The following LTBP2 variants were observed in gnomAD, a reference collection of about 807,000 sequenced individuals.
LTBP2 encodes the protein latent-transforming growth factor beta-binding protein 2.
Under a neutral mutation model 210.6 loss-of-function variants are expected in LTBP2, and 103 were observed. That is an observed-to-expected ratio of 0.49 (90% confidence interval 0.42 to 0.58). LTBP2 has a LOEUF of 0.58. LTBP2 is among the 20% of genes least tolerant of loss of function. LTBP2 has a pLI of 0.00. For missense variants in LTBP2, 2,313 were observed against 2,494.5 expected, an observed-to-expected ratio of 0.93 and a Z score of 1.55; for synonymous variants, 1,007 against 1,015.0, an observed-to-expected ratio of 0.99 and a Z score of 0.15.
Position 74,586,534 on chromosome 14 carries a change from G to A in LTBP2, c.566-416C>T, listed in dbSNP as rs536604110. ...AGTAGATTCTCAGTAAACATGGAGC[G>A]AATGGATGAATGAATCAGTCTCTTT... On this transcript the variant is annotated intron_variant, in intron 2 of 35. Transcript: ENST00000261978. This position sits in a 1 kb window ranked among gnomAD's most constrained non-coding sequence, Gnocchi z 4.6. Among the ~76,000 whole-genome samples the A allele has an allele frequency of 6.6e-6, 1 of 152,290 alleles. No individual in the cohort carries two copies. Among genetic ancestry groups the A allele is most frequent in the African/African-American group, 2.4e-5 (1 of 41,558 alleles).
chr14:74,586,742 C>T lies in LTBP2; in HGVS notation c.566-624G>A, dbSNP rs557016336. Among the ~76,000 whole-genome samples, 52 of 152,268 alleles carry T rather than the reference C, an allele frequency of 3.4e-4. 1 individual carries two copies. The highest frequency in any genetic ancestry group is 1.2e-3 in the African/African-American group (50 of 41,558). ...TCCTTCAAAGGCACCTTCAGCTTGA[C>T]GGTCTCTCCTCTCCTTCCCATTGTT... On this transcript the variant is annotated intron_variant, in intron 2 of 35. Transcript: ENST00000261978. This position sits in a 1 kb window ranked among gnomAD's most constrained non-coding sequence, Gnocchi z 4.6.
chr14:74,505,123 C>T lies in LTBP2; in HGVS notation c.4229G>A (p.Arg1410His), dbSNP rs543585255. ...PTGDHAPAPTRMDCYSGQKGH... is the reference protein window; with the variant it reads ...PTGDHAPAPTHMDCYSGQKGH... ...CTTCTGCCCGGAGTAGCAGTCCATGCGGGTGGGGGCCGGGGCATGGTCCCC... is the reference window on the plus strand; with the variant it reads ...CTTCTGCCCGGAGTAGCAGTCCATGTGGGTGGGGGCCGGGGCATGGTCCCC... Residue 1410 changes from arginine to histidine, a missense_variant, in exon 29 of 36, where the codon CGC becomes CAC. Coordinates refer to ENST00000261978, the MANE Select transcript of LTBP2 (RefSeq NM_000428.3). 32 of 1,613,742 alleles carry T rather than the reference C, an allele frequency of 2.0e-5. No individual in the cohort carries two copies. The highest frequency in any genetic ancestry group is 1.7e-4 in the Admixed American group (10 of 60,032).
chr14:74,501,460 C>T lies in LTBP2; in HGVS notation c.5301G>A (p.Ala1767=), dbSNP rs549957928. The T allele has an allele frequency of 1.7e-5, 27 of 1,614,026 alleles. No individual in the cohort carries two copies. The highest frequency in any genetic ancestry group is 2.1e-5 in the Non-Finnish European group (25 of 1,180,032). ...CDCFEGFQLD[A]AHMACVDVNE... ...ACTTACCTACGCAGGCCATGTGGGC[C>T]GCATCCAGCTGGAAGCCCTCAAAAC... The change falls in exon 35 of 36, where the codon GCG becomes GCA. Residue 1767 remains alanine, a synonymous_variant. Transcript: ENST00000261978.
chr14:74,567,731 G>A (rs1345440238), intron 3 of LTBP2, among the ~76,000 whole-genome samples: 1 of 152,028 alleles, frequency 6.6e-6, no homozygotes, highest in Non-Finnish European at 1.5e-5. Flanking sequence ...TCACAGCGCT[G>A]GGCACACAGC....
intron 14 of LTBP2, 35 bp downstream of exon 14, chr14:74,526,040 C>G: frequency 6.3e-7 from 1 of 1,584,806 alleles, no homozygotes; most frequent in South Asian, 1.1e-5. Flanking sequence ...CCTCCCTTCT[C>G]TTTTGCCTAG....
chr14:74,508,067 C>G lies in LTBP2; in HGVS notation c.3681G>C (p.Pro1227=), dbSNP rs368214877. The G allele has an allele frequency of 6.2e-7, 1 of 1,613,878 alleles. No individual in the cohort carries two copies. The highest frequency in any genetic ancestry group is 8.5e-7 in the Non-Finnish European group (1 of 1,180,006). Residue 1227 remains proline, a synonymous_variant, in exon 25 of 36, where the codon CCG becomes CCC. Coordinates refer to ENST00000261978, the MANE Select transcript of LTBP2 (RefSeq NM_000428.3). ...QDVDECATTD[P]CVGGHCVNTE... The stretch of plus-strand genomic sequence containing the variant: ...TGTTGACACAGTGCCCTCCCACACA[C>G]GGGTCTGTGGTGGCACACTCGTCCA...
At chr14:74,503,033 T>G in intron 33 of LTBP2, 99 bp from the exon 34 acceptor site, 1 of 1,524,028 alleles carries the variant, frequency 6.6e-7, no homozygotes, top group Non-Finnish European at 9.0e-7. Context: ...TGGTACCCTC[T>G]GGGAGATCCT....
In LTBP2 at chr14:74,499,601, G is replaced by GTCTT. The variant is rs2086889023; in HGVS notation, c.*1279_*1282dup. On this transcript the variant is annotated 3_prime_UTR_variant, in exon 36 of 36. Transcript: ENST00000261978. ...GAAGTACGAAGTCAGAGCTTTCCTT[G>GTCTT]TCTTTTAATAGTAAAGAGTCATTTC... 5 of 227,876 alleles carry GTCTT rather than the reference G, an allele frequency of 2.2e-5. No individual in the cohort carries two copies. The highest frequency in any genetic ancestry group is 4.4e-5 in the African/African-American group (2 of 45,006). 14.1% of individuals were successfully genotyped at this position (227,876 alleles called of 1,614,324 possible).
chr14:74,593,279 G>C (rs1185877821), intron 2 of LTBP2, among the ~76,000 whole-genome samples: 1 of 152,114 alleles, frequency 6.6e-6, no homozygotes, highest in Admixed American at 6.6e-5. Flanking sequence ...CCCCATGCAG[G>C]CTGCTCCTAC....
At chr14:74,526,289 T>G (rs1432194004) in intron 13 of LTBP2, among the ~76,000 whole-genome samples, 175 bp from the exon 14 acceptor site, 1 of 152,270 alleles carries the variant, frequency 6.6e-6, no homozygotes, top group Admixed American at 6.5e-5. Context: ...CCAGGCACTT[T>G]ACACACACTC....
chr14:74,501,686 C>T, intron 34 of LTBP2, 96 bp from the exon 35 acceptor site: 2 of 1,476,744 alleles, frequency 1.4e-6, no homozygotes. Flanking sequence ...AAGGGTGCCC[C>T]TGTGGAACTG....
intron 8 of LTBP2, among the ~76,000 whole-genome samples, chr14:74,543,546 C>CTCCCTTTTTCCT (rs2087540252): frequency 1.6e-5 from 2 of 124,708 alleles, no homozygotes; most frequent in African/African-American, 6.6e-5. Context: ...TTTTTCCTCC[C>CTCCCTTTTTCCT]TCCCTCCCTT....
chr14:74,512,503 T>C (rs1288405596), intron 18 of LTBP2, among the ~76,000 whole-genome samples: 1 of 152,190 alleles, frequency 6.6e-6, no homozygotes, highest in African/African-American at 2.4e-5. Context: ...CTGTCACTGC[T>C]GCTGGACATG....
chr14:74,543,537 T>TTTTCCTTCCTTCCTTCCCTCCCTC (rs2087539069), intron 8 of LTBP2, among the ~76,000 whole-genome samples: 1 of 113,416 alleles, frequency 8.8e-6, no homozygotes. Flanking sequence ...TTCCCTCCCT[T>TTTTCCTTCCTTCCTTCCCTCCCTC]TTTCCTCCCT....
intron 18 of LTBP2, among the ~76,000 whole-genome samples, chr14:74,512,827 T>G (rs1219126260): frequency 1.3e-5 from 2 of 152,214 alleles, no homozygotes; most frequent in African/African-American, 2.4e-5. Context: ...TTAACTATTC[T>G]AAGGGCTTCT....
Position 74,538,330 on chromosome 14 carries a change from G to C in LTBP2, c.1790-2330C>G, listed in dbSNP as rs140904762. 2.6e-5 allele frequency among the ~76,000 whole-genome samples: 4 copies of C among 152,236 alleles called. No individual in the cohort carries two copies. In the East Asian group the frequency reaches 5.8e-4, roughly 22 times the overall value. On this transcript the variant is annotated intron_variant, in intron 8 of 35. Coordinates refer to ENST00000261978, the MANE Select transcript of LTBP2 (RefSeq NM_000428.3). ...CCTGGGGTACTTGGGGGTCACATCT[G>C]ATAGGTCGTCACGATTTTTACTTTG... is the stretch of plus-strand genomic sequence containing the variant.
At chr14:74,527,830 G>T (rs930695274) in intron 12 of LTBP2, among the ~76,000 whole-genome samples, 2 of 152,150 alleles carry the variant, frequency 1.3e-5, no homozygotes, top group African/African-American at 4.8e-5. Context: ...TGGCTTGGCC[G>T]GTGTCCTGTG....
At chr14:74,514,845 C>A (rs862050) in intron 18 of LTBP2, among the ~76,000 whole-genome samples, 1 of 151,916 alleles carries the variant, frequency 6.6e-6, no homozygotes, top group East Asian at 1.9e-4. Flanking sequence ...GGTGATGGGC[C>A]GGGCTTGTGG....
intron 3 of LTBP2, among the ~76,000 whole-genome samples, chr14:74,567,382 G>C (rs2087918837): frequency 6.6e-6 from 1 of 152,180 alleles, no homozygotes; most frequent in African/African-American, 2.4e-5. Context: ...GTTCCCTCCT[G>C]GCAGGGTAAG....
Sources: allele counts gnomAD v4.1 joint callset (sites outside exome capture counted in the v4.1 genomes callset), GRCh38; gene constraint gnomAD v4.1.1; non-coding constraint Gnocchi (gnomAD v3.1); transcripts MANE v1.5; gene names NCBI Gene and HGNC (gene_info 2026-07-23, HGNC 2026-07-21).